Variants in HOOK2 observed in about 807,000 individuals in gnomAD.
The protein encoded by HOOK2 is protein Hook homolog 2.
Under a neutral mutation model 111.9 loss-of-function variants are expected in HOOK2, and 108 were observed. The observed-to-expected ratio is 0.96, with a 90% confidence interval of 0.83 to 1.13. HOOK2 has a LOEUF of 1.13. HOOK2 is among the 50% of genes most tolerant of loss of function. The pLI, the probability that HOOK2 is intolerant of heterozygous loss-of-function variation, is 0.00. For missense variants in HOOK2, 978 were observed against 951.3 expected, an observed-to-expected ratio of 1.03 and a Z score of -0.37; for synonymous variants, 405 against 394.3, an observed-to-expected ratio of 1.03 and a Z score of -0.32.
rs1968051832 is a variant in HOOK2 at position 12,763,385 on chromosome 19, T to A, written c.2057A>T (p.His686Leu). 1 of 1,613,998 alleles carries A rather than the reference T, an allele frequency of 6.2e-7. No individual in the cohort carries two copies. The highest frequency in any genetic ancestry group is 8.5e-7 in the Non-Finnish European group (1 of 1,180,006). Residue 686 changes from histidine (H) to leucine (L), a missense_variant, in exon 23 of 23, where the codon CAT becomes CTT. Coordinates refer to ENST00000397668, the MANE Select transcript of HOOK2 (RefSeq NM_013312.3). ...QRAGEERAPA[H>L]AQSFLAQQRL... is the part of the protein sequence containing the mutation. ...CTGCTGTGCCAGGAATGACTGGGCA[T>A]GGGCAGGCGCCCGCTCCTCCCCAGC... is the stretch of plus-strand genomic sequence containing the variant.
chr19:12,763,409 G>T lies in HOOK2; in HGVS notation c.2033C>A (p.Ala678Asp). Residue 678 changes from alanine to aspartate, a missense_variant, in exon 23 of 23, where the codon GCT (alanine) becomes GAT (aspartate). Ala to Asp is a moderately radical substitution (Grantham distance 126). Around this residue, in one of 5 missense-constraint regions of HOOK2, gnomAD observed 277 missense variants for 265.8 expected, o/e 1.04. Transcript: ENST00000397668. ...YNMGMALQQR[A>D]GEERAPAHAQ... The stretch of plus-strand genomic sequence containing the variant: ...ATGGGCAGGCGCCCGCTCCTCCCCA[G>T]CTCGCTGCTGCAAGGCCATGCCCTT... 2 of 1,613,960 alleles carry T rather than the reference G, an allele frequency of 1.2e-6. No homozygotes were observed. The highest frequency in any genetic ancestry group is 1.6e-4 in the Middle Eastern group (1 of 6,062).
upstream of HOOK2, among the ~76,000 whole-genome samples, chr19:12,781,802 C>A (rs1279404072): frequency 1.3e-5 from 2 of 151,732 alleles, no homozygotes; most frequent in African/African-American, 4.8e-5. Context: ...TGTGACAAAA[C>A]AAGCCCTGGT....
At chr19:12,775,118 G>A in intron 1 of HOOK2, 3 of 904,998 alleles carry the variant, frequency 3.3e-6, no homozygotes, top group Non-Finnish European at 4.0e-6. Flanking sequence ...AGGCCAGGGT[G>A]GTATCGCGAG....
upstream of HOOK2, among the ~76,000 whole-genome samples, chr19:12,776,364 T>A (rs1330518817): frequency 1.3e-5 from 2 of 151,468 alleles, no homozygotes; most frequent in African/African-American, 4.8e-5. Context: ...GGATAGAAGT[T>A]GGAGACCAGC....
At position 12,774,759 on chromosome 19, in the gene HOOK2, G is replaced by C. The variant is rs1337566938; in HGVS notation, c.132-18C>G. 6.2e-7 allele frequency: 1 copy of C among 1,613,444 alleles called. No homozygotes were observed. Among genetic ancestry groups the C allele is most frequent in the Admixed American group, 1.7e-5 (1 of 60,018 alleles). On this transcript the variant is annotated intron_variant, in intron 2 of 22. Coordinates refer to ENST00000397668, the MANE Select transcript of HOOK2 (RefSeq NM_013312.3). ...AGGGGTCTCTGGGGGCGAGAAGGTG[G>C]GATGAGCAGACTGGGGGACACTTTT...
intron 3 of HOOK2, among the ~76,000 whole-genome samples, chr19:12,788,848 T>G (rs1454187058): frequency 6.6e-6 from 1 of 152,076 alleles, no homozygotes; most frequent in African/African-American, 2.4e-5. Flanking sequence ...GGAATCTCCC[T>G]TGAGCCTGGG....
chr19:12,778,100 G>C (rs1968560374), upstream of HOOK2, among the ~76,000 whole-genome samples: 1 of 152,130 alleles, frequency 6.6e-6, no homozygotes. Flanking sequence ...AGACGGGCGG[G>C]GTAATGTGCA....
Position 12,786,159 on chromosome 19 carries a change from G to C in HOOK2, n.42-11934C>G, listed in dbSNP as rs751073110. On this transcript the variant is annotated intron_variant and non_coding_transcript_variant, in intron 3 of 3. Coordinates refer to the HOOK2 transcript ENST00000589765. This position sits in a 1 kb window ranked among gnomAD's most constrained non-coding sequence, Gnocchi z 4.3. The stretch of plus-strand genomic sequence containing the variant: ...CCAAACCACAGAGGTGGGAGAGGGA[G>C]GCGGCTGGTAGGCCAGGAGTTCCTG... 6.6e-6 allele frequency among the ~76,000 whole-genome samples: 1 copy of C among 152,224 alleles called. No individual in the cohort carries two copies. Among genetic ancestry groups the C allele is most frequent in the African/African-American group, 2.4e-5 (1 of 41,458 alleles).
At chr19:12,782,851 C>T (rs1352465743), upstream of HOOK2, among the ~76,000 whole-genome samples, 1 of 151,298 alleles carries the variant, frequency 6.6e-6, no homozygotes, top group Non-Finnish European at 1.5e-5. Flanking sequence ...AGGGCAGTCC[C>T]TGTTGGGGGA....
rs1298837054 is a variant in HOOK2, at chr19:12,765,949, T to G, written c.1577A>C (p.Glu526Ala). ...CACATCTTCAGTCTTGCCCCCCTGC[T>G]CCTGCAGGGCTTTCTGCAGGTCCTC... ...QVEDLQKALQ[E>A]QGGKTEDAIS... The change falls in exon 16 of 23, where the codon GAG becomes GCG. Residue 526 changes from glutamate to alanine, a missense_variant. Around this residue, in one of 5 missense-constraint regions of HOOK2, gnomAD observed 277 missense variants for 265.8 expected, o/e 1.04. Transcript: ENST00000397668. The G allele has an allele frequency of 6.2e-7, 1 of 1,614,072 alleles. No homozygotes were observed. Among genetic ancestry groups the G allele is most frequent in the Admixed American group, 1.7e-5 (1 of 60,030 alleles).
intron 3 of HOOK2, chr19:12,792,284 C>A: frequency 6.7e-7 from 1 of 1,494,200 alleles, no homozygotes; most frequent in Non-Finnish European, 8.9e-7. Flanking sequence ...GGCCCGGGGG[C>A]GTCTACGCCG....
chr19:12,765,032 T>C lies in HOOK2; in HGVS notation c.1690A>G (p.Ile564Val). Residue 564 changes from isoleucine to valine, a missense_variant, in exon 19 of 23, where the codon ATT (isoleucine) becomes GTT (valine). This residue lies in a region of HOOK2 where 277 missense variants were observed against 265.8 expected (regional missense o/e 1.04). Transcript: ENST00000397668. ...TCAGTGGGTGGCTCCAGCTCCTCAATGTACTCCCGCTTCCTCTGCAACTCC... is the reference window on the plus strand; with the variant it reads ...TCAGTGGGTGGCTCCAGCTCCTCAACGTACTCCCGCTTCCTCTGCAACTCC... ...DLELQRKREY[I>V]EELEPPTDSS... is the part of the protein sequence containing the mutation. 1 of 1,614,158 alleles carries C rather than the reference T, an allele frequency of 6.2e-7. No individual in the cohort carries two copies.
chr19:12,767,778 C>T (rs748645840), intron 13 of HOOK2, 38 bp downstream of exon 13: 1 of 1,576,068 alleles, frequency 6.3e-7, no homozygotes, highest in East Asian at 2.2e-5. Context: ...AACAGTACAC[C>T]AGGACAGGTA....
intron 3 of HOOK2, among the ~76,000 whole-genome samples, chr19:12,773,696 T>G (rs1055028092): frequency 5.9e-5 from 9 of 152,208 alleles, no homozygotes; most frequent in South Asian, 2.1e-4. Context: ...TGCCTACATT[T>G]TATTTCTCTC....
At chr19:12,787,615 G>A (rs1204829181) in intron 3 of HOOK2, among the ~76,000 whole-genome samples, 1 of 152,010 alleles carries the variant, frequency 6.6e-6, no homozygotes, top group Admixed American at 6.6e-5. Flanking sequence ...CTGGGCGACA[G>A]AGTGATATTT....
rs1322535603 is a variant in HOOK2, at chr19:12,764,872, T to C, written c.1769A>G (p.Asp590Gly). ...EELQHNLQKKDADLRAMEERY... is the reference protein window; with the variant it reads ...EELQHNLQKKGADLRAMEERY... ...CTCCTCCATGGCCCGCAAGTCCGCGTCCTTCTTCTGCAAGTTATGCTGCAG... is the reference window on the plus strand; with the variant it reads ...CTCCTCCATGGCCCGCAAGTCCGCGCCCTTCTTCTGCAAGTTATGCTGCAG... Residue 590 changes from aspartate (D) to glycine (G), a missense_variant, in exon 20 of 23, where the codon GAC becomes GGC. Physicochemically the swap from Asp to Gly is moderately conservative, Grantham distance 94 (BLOSUM62 -1). Coordinates refer to ENST00000397668, the MANE Select transcript of HOOK2 (RefSeq NM_013312.3). 1.9e-6 allele frequency: 3 copies of C among 1,614,126 alleles called. No individual in the cohort carries two copies. The highest frequency in any genetic ancestry group is 3.3e-5 in the Admixed American group (2 of 60,024).
Position 12,790,524 on chromosome 19 carries a change from G to T in HOOK2, n.42-16299C>A, listed in dbSNP as rs1968702170. Among the ~76,000 whole-genome samples the T allele has an allele frequency of 6.6e-6, 1 of 152,210 alleles. No individual in the cohort carries two copies. Among genetic ancestry groups the T allele is most frequent in the Non-Finnish European group, 1.5e-5 (1 of 68,030 alleles). On this transcript the variant is annotated intron_variant and non_coding_transcript_variant, in intron 3 of 3. Coordinates refer to the HOOK2 transcript ENST00000589765. The surrounding 1 kb of genome is among the most constrained non-coding windows in gnomAD (Gnocchi z 7.2). ...CAGATGACTAAGAGGTTACCATCGA[G>T]GGGGAGCAGCAGTCGTGGAAGATCC...
rs986036705 is a variant in HOOK2, at chr19:12,786,924, T to C, written n.42-12699A>G. Among the ~76,000 whole-genome samples the C allele has an allele frequency of 6.6e-6, 1 of 152,082 alleles. No individual in the cohort carries two copies. The highest frequency in any genetic ancestry group is 2.1e-4 in the South Asian group (1 of 4,828). On this transcript the variant is annotated intron_variant and non_coding_transcript_variant, in intron 3 of 3. Transcript: ENST00000589765. This position sits in a 1 kb window ranked among gnomAD's most constrained non-coding sequence, Gnocchi z 4.3. ...GGCTCACACCTGTAATCCCAGCACT[T>C]TGGGAGGCCCAGGTGGGAGGATCCC...
intron 3 of HOOK2, among the ~76,000 whole-genome samples, chr19:12,788,497 T>C (rs1031930666): frequency 4.6e-5 from 7 of 152,178 alleles, no homozygotes; most frequent in African/African-American, 1.7e-4. Context: ...TTTGTCTCTC[T>C]GGGCATCTCT....
Sources: allele counts gnomAD v4.1 joint callset (sites outside exome capture counted in the v4.1 genomes callset), GRCh38; gene constraint gnomAD v4.1.1; regional missense constraint gnomAD v4.1.1; non-coding constraint Gnocchi (gnomAD v3.1); transcripts MANE v1.5; gene names NCBI Gene and HGNC (gene_info 2026-07-23, HGNC 2026-07-21).